Variants in RORA observed in about 807,000 individuals in gnomAD.
The protein encoded by RORA is RAR related orphan receptor A.
A neutral mutation model predicts 69.5 loss-of-function variants in RORA; 7 were observed. That is an observed-to-expected ratio of 0.10 (90% CI 0.06 to 0.19). RORA has a LOEUF of 0.19. Ranked by LOEUF, RORA falls within the 10% of genes least tolerant of loss-of-function variation. The pLI, the probability that RORA is intolerant of heterozygous loss-of-function variation, is 1.00. For missense variants in RORA, 457 were observed against 663.0 expected (o/e 0.69, Z 3.41); for synonymous variants, 261 against 240.8 (o/e 1.08, Z -0.78).
intron 1 of RORA, among the ~76,000 whole-genome samples, chr15:60,900,146 G>C (rs1384116138): frequency 6.6e-6 from 1 of 152,212 alleles, no homozygotes; most frequent in Non-Finnish European, 1.5e-5. Context: ...TTTTGACTTG[G>C]TTAAGTACAA....
intron 1 of RORA, among the ~76,000 whole-genome samples, chr15:60,782,215 C>T (rs1378736856): frequency 6.6e-6 from 1 of 152,068 alleles, no homozygotes; most frequent in Non-Finnish European, 1.5e-5. Context: ...CAGAGTGAGA[C>T]TCCAACTCAG....
At chr15:60,610,221 C>CACACAT (rs990199823) in intron 2 of RORA, among the ~76,000 whole-genome samples, 3 of 151,546 alleles carry the variant, frequency 2.0e-5, no homozygotes, top group Non-Finnish European at 4.4e-5. Flanking sequence ...CACACACACA[C>CACACAT]ACTACACACA....
intron 1 of RORA, among the ~76,000 whole-genome samples, chr15:61,058,048 C>G (rs2078119871): frequency 6.6e-6 from 1 of 152,064 alleles, no homozygotes; most frequent in Non-Finnish European, 1.5e-5. Flanking sequence ...CAGTCCTCGC[C>G]CCTTACAGGC....
chr15:61,087,212 A>T (rs1392646299), intron 1 of RORA, among the ~76,000 whole-genome samples: 1 of 152,222 alleles, frequency 6.6e-6, no homozygotes, highest in East Asian at 1.9e-4. Context: ...TAAAATATTT[A>T]CTATCTAGCC....
intron 1 of RORA, among the ~76,000 whole-genome samples, chr15:60,929,131 T>G (rs1361620556): frequency 6.6e-6 from 1 of 152,140 alleles, no homozygotes; most frequent in Non-Finnish European, 1.5e-5. Context: ...GTTCAATTAA[T>G]GAGCCATAAA....
intron 1 of RORA, among the ~76,000 whole-genome samples, chr15:60,927,287 C>T (rs72752770): frequency 0.22 from 33,067 of 152,090 alleles, 4,652 homozygotes; most frequent in Non-Finnish European, 0.3. Context: ...CTATCCTATG[C>T]GATATGGAAT....
At chr15:60,761,682 G>T (rs967724054) in intron 1 of RORA, among the ~76,000 whole-genome samples, 1 of 152,084 alleles carries the variant, frequency 6.6e-6, no homozygotes, top group Non-Finnish European at 1.5e-5. Context: ...AGCCATTTCT[G>T]GGGGTAGACT....
chr15:60,889,192 G>C (rs996130674), intron 1 of RORA, among the ~76,000 whole-genome samples: 2 of 152,316 alleles, frequency 1.3e-5, no homozygotes, highest in Middle Eastern at 3.4e-3. Flanking sequence ...AACTCCTCGA[G>C]GCAGGAACTA....
At chr15:60,579,073 T>C (rs1486407193) in intron 2 of RORA, among the ~76,000 whole-genome samples, 1 of 150,666 alleles carries the variant, frequency 6.6e-6, no homozygotes, top group African/African-American at 2.4e-5. Context: ...GGTTTTTTTT[T>C]TTTTTTTTTT....
chr15:61,224,969 G>A (rs948376468), intron 1 of RORA, among the ~76,000 whole-genome samples: 8 of 152,162 alleles, frequency 5.3e-5, no homozygotes, highest in African/African-American at 1.9e-4. Context: ...CACCATGCCA[G>A]TAGGTATTGG....
At chr15:60,726,716 C>G (rs2071361845) in intron 1 of RORA, among the ~76,000 whole-genome samples, 1 of 152,106 alleles carries the variant, frequency 6.6e-6, no homozygotes, top group Admixed American at 6.5e-5. Flanking sequence ...TGCGGGGAGA[C>G]TAAACCAGAC....
At position 60,531,446 on chromosome 15, in the gene RORA, T is replaced by C. The variant is rs1388081165; in HGVS notation, c.282+320A>G. ...TTTTTATAAGCTTATGACAGGGACA[T>C]TGTAGAAGTCTGGAGTTAGCTCTTT... On this transcript the variant is annotated intron_variant, in intron 3 of 10. Coordinates refer to ENST00000335670, the MANE Select transcript of RORA (RefSeq NM_134261.3). The surrounding 1 kb of genome is among the most constrained non-coding windows in gnomAD (Gnocchi z 4.8). 1 of 251,128 alleles carries C rather than the reference T, an allele frequency of 4.0e-6. No individual in the cohort carries two copies. The highest frequency in any genetic ancestry group is 7.4e-6 in the Non-Finnish European group (1 of 134,736). The allele number at this position is 251,128 out of a possible 1,614,324, so 15.6% of individuals were successfully genotyped here.
chr15:60,501,452 A>G (rs1227164843), intron 8 of RORA, among the ~76,000 whole-genome samples: 3 of 152,130 alleles, frequency 2.0e-5, no homozygotes, highest in Non-Finnish European at 4.4e-5. Context: ...AGGGATTATT[A>G]TTATCCCAAT....
intron 1 of RORA, among the ~76,000 whole-genome samples, chr15:61,146,461 C>T (rs1596026158): frequency 5.3e-5 from 1 of 19,018 alleles, no homozygotes; most frequent in Non-Finnish European, 2.7e-4. Context: ...CATACACATA[C>T]ACACACACAC....
chr15:61,178,845 A>C (rs2140901732), intron 1 of RORA, among the ~76,000 whole-genome samples: 1 of 152,356 alleles, frequency 6.6e-6, no homozygotes, highest in South Asian at 2.1e-4. Flanking sequence ...AAGTCCTTGA[A>C]TAGCTAACCA....
intron 1 of RORA, among the ~76,000 whole-genome samples, chr15:60,897,920 C>T (rs1298586085): frequency 1.3e-5 from 2 of 152,192 alleles, no homozygotes; most frequent in African/African-American, 4.8e-5. Context: ...AAAGATAGAG[C>T]CCATATTGGA....
At chr15:60,526,614 CAG>C (rs2066365883) in intron 3 of RORA, among the ~76,000 whole-genome samples, 2 of 152,196 alleles carry the variant, frequency 1.3e-5, no homozygotes. Flanking sequence ...CTGTGTATAA[CAG>C]AACCGAAACT....
chr15:60,817,663 C>T (rs1297120008), intron 1 of RORA, among the ~76,000 whole-genome samples: 1 of 152,224 alleles, frequency 6.6e-6, no homozygotes, highest in Non-Finnish European at 1.5e-5. Context: ...CCCTTTCTCC[C>T]GTGTCTTTAC....
chr15:60,682,702 A>G (rs1291625048), intron 1 of RORA, among the ~76,000 whole-genome samples: 2 of 152,178 alleles, frequency 1.3e-5, no homozygotes, highest in African/African-American at 4.8e-5. Context: ...ACAGGCAAGG[A>G]CTTTGGTCCC....
Sources: allele counts gnomAD v4.1 joint callset (sites outside exome capture counted in the v4.1 genomes callset), GRCh38; gene constraint gnomAD v4.1.1; non-coding constraint Gnocchi (gnomAD v3.1); transcripts MANE v1.5; gene names NCBI Gene and HGNC (gene_info 2026-07-23, HGNC 2026-07-21).